The following FRYL variants were observed in gnomAD, a reference collection of about 807,000 sequenced individuals.
FRYL encodes protein furry homolog-like.
FRYL carries 150 observed loss-of-function variants against 351.2 expected under a neutral mutation model. The observed-to-expected ratio is 0.43, with a 90% confidence interval of 0.37 to 0.49. The LOEUF (loss-of-function observed/expected upper bound fraction) is 0.49. Among genes scored for constraint, FRYL ranks in the 20% least tolerant of loss-of-function variants. FRYL has a pLI of 0.00. For missense variants in FRYL, 3,036 were observed against 3,619.3 expected, an observed-to-expected ratio of 0.84 and a Z score of 4.13; for synonymous variants, 1,153 against 1,257.1, an observed-to-expected ratio of 0.92 and a Z score of 1.75.
At chr4:48,554,781 C>T (rs1467024535) in intron 35 of FRYL, among the ~76,000 whole-genome samples, 1 of 152,172 alleles carries the variant, frequency 6.6e-6, no homozygotes, top group African/African-American at 2.4e-5. Flanking sequence ...TTTGTGGGTT[C>T]CTTCCGCCTG....
chr4:48,528,199 A>G lies in FRYL; in HGVS notation c.7041T>C (p.Ser2347=). ...CCTGTGATAACTGTGGCCTTTTCCA[A>G]CTAACAGGAACCAAGGCATTAGAAT... ...GSNSNALVPV[S]WKRPQLSQRR... is the part of the protein sequence containing the mutation. The change falls in exon 51 of 64, where the codon AGT becomes AGC. Residue 2347 remains serine, a synonymous_variant. Transcript: ENST00000358350. The G allele has an allele frequency of 6.2e-7, 1 of 1,613,094 alleles. No individual in the cohort carries two copies. The highest frequency in any genetic ancestry group is 8.5e-7 in the Non-Finnish European group (1 of 1,179,352).
intron 3 of FRYL, among the ~76,000 whole-genome samples, chr4:48,662,765 G>GAAA (rs57746767): frequency 3.0e-5 from 4 of 131,612 alleles, no homozygotes; most frequent in Admixed American, 7.6e-5. Flanking sequence ...ATCTCCTGAA[G>GAAA]AAAAAAAAAA....
intron 18 of FRYL, 147 bp downstream of exon 18, chr4:48,589,598 G>C: frequency 1.4e-6 from 1 of 706,710 alleles, no homozygotes; most frequent in Non-Finnish European, 2.3e-6. Context: ...AACTGAGTGT[G>C]TGGAAGGAAT....
intron 1 of FRYL, among the ~76,000 whole-genome samples, chr4:48,731,038 T>C (rs540794330): frequency 6.7e-6 from 1 of 149,600 alleles, no homozygotes; most frequent in African/African-American, 2.5e-5. Flanking sequence ...ACCAAGCAAA[T>C]GGAAAGCAAA....
intron 1 of FRYL, among the ~76,000 whole-genome samples, chr4:48,758,989 C>T (rs1560364611): frequency 6.6e-6 from 1 of 152,138 alleles, no homozygotes; most frequent in Non-Finnish European, 1.5e-5. Flanking sequence ...GGACAGAAAA[C>T]TAAACACCGC....
intron 17 of FRYL, 37 bp downstream of exon 17, chr4:48,590,622 G>A: frequency 2.1e-6 from 3 of 1,425,024 alleles, no homozygotes; most frequent in Non-Finnish European, 1.9e-6. Flanking sequence ...ATATGAAACT[G>A]TATTACAAAG....
intron 1 of FRYL, among the ~76,000 whole-genome samples, chr4:48,764,019 A>C (rs531696376): frequency 6.6e-6 from 1 of 152,076 alleles, no homozygotes; most frequent in South Asian, 2.1e-4. Context: ...AAATATAAAA[A>C]TTAAGCCAGG....
At chr4:48,699,690 T>A (rs780101489) in intron 2 of FRYL, among the ~76,000 whole-genome samples, 1 of 152,104 alleles carries the variant, frequency 6.6e-6, no homozygotes, top group Non-Finnish European at 1.5e-5. Context: ...TGGTTTAACA[T>A]GAAAATTCCC....
At chr4:48,646,295 A>C (rs1232642143) in intron 3 of FRYL, among the ~76,000 whole-genome samples, 2 of 152,226 alleles carry the variant, frequency 1.3e-5, no homozygotes, top group Admixed American at 6.5e-5. Flanking sequence ...CCTTCTGGGA[A>C]GAACAGGTCT....
At chr4:48,680,174 A>G (rs1764391185) in intron 3 of FRYL, among the ~76,000 whole-genome samples, 1 of 151,962 alleles carries the variant, frequency 6.6e-6, no homozygotes, top group South Asian at 2.1e-4. Flanking sequence ...ATACATATCA[A>G]ACTTGCAGAG....
chr4:48,680,886 A>G, intron 3 of FRYL: 1 of 784,300 alleles, frequency 1.3e-6, no homozygotes, highest in African/African-American at 1.9e-5. Context: ...TACTTTCCTA[A>G]AATACTTTTT....
intron 19 of FRYL, among the ~76,000 whole-genome samples, chr4:48,585,885 A>T (rs1741995063): frequency 5.3e-5 from 8 of 152,198 alleles, no homozygotes; most frequent in Admixed American, 5.2e-4. Flanking sequence ...ATTATTGTAA[A>T]CTATAGTCAC....
At chr4:48,534,720 C>T (rs1345375485) in intron 48 of FRYL, 35 bp from the exon 49 acceptor site, 1 of 1,317,426 alleles carries the variant, frequency 7.6e-7, no homozygotes. Context: ...TTAAAGTATA[C>T]TTTAATCAGG....
At chr4:48,561,439 G>T in intron 33 of FRYL, 29 bp downstream of exon 33, 2 of 1,379,952 alleles carry the variant, frequency 1.4e-6, no homozygotes, top group East Asian at 2.5e-5. Flanking sequence ...TTGACAAATA[G>T]AAACTACTAA....
rs1311163479 is a variant in FRYL at position 48,678,464 on chromosome 4, G to A, written c.-81+6209C>T. On this transcript the variant is annotated intron_variant, in intron 3 of 63. Transcript: ENST00000358350. Reference sequence around the variant, plus strand: ...GCGGAGGTTGCAGTGAGCCAAGATCGCGCCCCTGCACTCCAGCCTGGCGAC... The same window carrying A: ...GCGGAGGTTGCAGTGAGCCAAGATCACGCCCCTGCACTCCAGCCTGGCGAC... 3.8e-5 allele frequency among the ~76,000 whole-genome samples: 5 copies of A among 132,796 alleles called. 2 individuals carry two copies. The allele number at this position is 132,796 out of a possible 152,430, so 87.1% of individuals were successfully genotyped here.
chr4:48,777,097 C>T (rs1776103599), intron 1 of FRYL, among the ~76,000 whole-genome samples: 1 of 152,150 alleles, frequency 6.6e-6, no homozygotes, highest in Non-Finnish European at 1.5e-5. Context: ...TACTTTATCT[C>T]CATAAATACT....
chr4:48,668,120 T>A (rs1165186379), intron 3 of FRYL, among the ~76,000 whole-genome samples: 1 of 152,070 alleles, frequency 6.6e-6, no homozygotes, highest in Non-Finnish European at 1.5e-5. Context: ...CCACACACAT[T>A]CACTCGCATA....
At chr4:48,671,828 G>A (rs1308601830) in intron 3 of FRYL, among the ~76,000 whole-genome samples, 1 of 133,132 alleles carries the variant, frequency 7.5e-6, no homozygotes, top group African/African-American at 2.9e-5. Flanking sequence ...ACTCCAGCCT[G>A]GGCGAGAGAG....
intron 55 of FRYL, among the ~76,000 whole-genome samples, chr4:48,516,918 A>G (rs1486446233): frequency 1.3e-5 from 2 of 152,142 alleles, no homozygotes; most frequent in African/African-American, 4.8e-5. Context: ...GCATGTTTTG[A>G]CAAACATGAG....
Sources: allele counts gnomAD v4.1 joint callset (sites outside exome capture counted in the v4.1 genomes callset), GRCh38; gene constraint gnomAD v4.1.1; transcripts MANE v1.5; gene names NCBI Gene and HGNC (gene_info 2026-07-23, HGNC 2026-07-21).